The following PIAS2 variants were observed in gnomAD, a reference collection of about 807,000 sequenced individuals.
PIAS2 encodes the protein protein inhibitor of activated STAT 2, also known as E3 SUMO-protein ligase PIAS2.
Under a neutral mutation model 69.7 loss-of-function variants are expected in PIAS2, and 19 were observed. The observed-to-expected ratio is 0.27, with a 90% CI of 0.19 to 0.40. PIAS2 has a LOEUF of 0.40. Among genes scored for constraint, PIAS2 ranks in the 10% least tolerant of loss-of-function variants. The probability of loss-of-function intolerance (pLI) is 1.00; values close to 1 mark genes in which losing one functional copy is unlikely to be tolerated. For synonymous variants in PIAS2, 261 were observed against 263.2 expected, an observed-to-expected ratio of 0.99 and a Z score of 0.08; for missense variants, 624 against 757.0, an observed-to-expected ratio of 0.82 and a Z score of 2.06.
chr18:46,851,772 C>A (rs1433872747), intron 5 of PIAS2, among the ~76,000 whole-genome samples: 1 of 152,212 alleles, frequency 6.6e-6, no homozygotes, highest in Non-Finnish European at 1.5e-5. Flanking sequence ...TACCATTTCC[C>A]ATTCCTATGT....
At chr18:46,815,621 A>C (rs2041432866) in intron 12 of PIAS2, 2 of 1,094,192 alleles carry the variant, frequency 1.8e-6, no homozygotes, top group Non-Finnish European at 2.2e-6. Flanking sequence ...CAAAACAAAT[A>C]TTTCCCCCTT....
At chr18:46,901,242 C>G (rs1270280634) in intron 1 of PIAS2, 2 of 412,976 alleles carry the variant, frequency 4.8e-6, no homozygotes, top group Non-Finnish European at 9.6e-6. Flanking sequence ...ACATGGAGAA[C>G]CCCATCTCTA....
At chr18:46,898,106 T>C (rs1882245819) in intron 1 of PIAS2, among the ~76,000 whole-genome samples, 1 of 152,106 alleles carries the variant, frequency 6.6e-6, no homozygotes, top group Admixed American at 6.6e-5. Context: ...CCTTCCACCT[T>C]GACCTCCCAA....
chr18:46,834,021 CT>C (rs3837881), intron 9 of PIAS2, among the ~76,000 whole-genome samples: 60,070 of 149,202 alleles, frequency 0.4, 12,332 homozygotes, highest in Middle Eastern at 0.52. Flanking sequence ...ACTTAATATA[CT>C]TTTTTTTTTT....
chr18:46,836,898 AATGATAGT>A (rs2044516088), intron 8 of PIAS2, among the ~76,000 whole-genome samples: 1 of 152,114 alleles, frequency 6.6e-6, no homozygotes, highest in Non-Finnish European at 1.5e-5. Flanking sequence ...TTTTCCCAGG[AATGATAGT>A]ATACAATACA....
At chr18:46,821,825 T>C (rs2144813559) in intron 11 of PIAS2, among the ~76,000 whole-genome samples, 1 of 152,328 alleles carries the variant, frequency 6.6e-6, no homozygotes, top group South Asian at 2.1e-4. Context: ...TAAAACTGTA[T>C]ATACACTATA....
At chr18:46,859,854 A>G (rs2048400109) in intron 3 of PIAS2, among the ~76,000 whole-genome samples, 1 of 152,208 alleles carries the variant, frequency 6.6e-6, no homozygotes, top group South Asian at 2.1e-4. Flanking sequence ...ACATTAATGA[A>G]TATTATCATA....
intron 2 of PIAS2, among the ~76,000 whole-genome samples, chr18:46,884,682 A>G (rs543541112): frequency 3.3e-4 from 50 of 152,148 alleles, no homozygotes; most frequent in African/African-American, 1.2e-3. Flanking sequence ...TTGTGAGGCC[A>G]AGGCAGGCAG....
intron 2 of PIAS2, among the ~76,000 whole-genome samples, chr18:46,889,482 C>A (rs1460867614): frequency 6.6e-6 from 1 of 151,968 alleles, no homozygotes; most frequent in African/African-American, 2.4e-5. Flanking sequence ...TGAAAATGCA[C>A]AATATCACCA....
At chr18:46,886,842 C>A (rs776962891) in intron 2 of PIAS2, among the ~76,000 whole-genome samples, 3 of 151,412 alleles carry the variant, frequency 2.0e-5, no homozygotes, top group Non-Finnish European at 2.9e-5. Context: ...TGTCCCCCCC[C>A]TCCAAAAAAA....
intron 13 of PIAS2, 59 bp from the exon 14 acceptor site, chr18:46,812,671 G>C: frequency 9.6e-7 from 1 of 1,038,270 alleles, no homozygotes. Context: ...TAAATAAAGA[G>C]ACTAGAAATT....
intron 3 of PIAS2, among the ~76,000 whole-genome samples, chr18:46,859,427 C>CAA (rs55776913): frequency 0.035 from 3,147 of 89,252 alleles, 129 homozygotes; most frequent in Non-Finnish European, 0.048. Context: ...GACTCCGTCT[C>CAA]AAAAAAAAAA....
rs765972198 is a variant in PIAS2, at chr18:46,844,587, C to T, written c.967+147G>A. 194 of 388,118 alleles carry T rather than the reference C, an allele frequency of 5.0e-4. No homozygotes were observed. The Middle Eastern group carries it at 7.9e-3, about 16-fold the overall frequency. The allele number at this position is 388,118 out of a possible 1,614,324, so 24.0% of individuals were successfully genotyped here. The stretch of plus-strand genomic sequence containing the variant: ...GTAATGTGTCTACAATTTTACTCAC[C>T]AGTAATGTATATAAATTAGTATATA... On this transcript the variant is annotated intron_variant, in intron 7 of 13. Coordinates refer to ENST00000585916, the MANE Select transcript of PIAS2 (RefSeq NM_004671.5).
chr18:46,900,661 G>A (rs958259514), intron 1 of PIAS2, among the ~76,000 whole-genome samples: 2 of 142,628 alleles, frequency 1.4e-5, no homozygotes, highest in Non-Finnish European at 3.1e-5. Flanking sequence ...GGGTGACAGA[G>A]TAAGACCTCA....
chr18:46,878,422 T>C (rs758193693), intron 2 of PIAS2, among the ~76,000 whole-genome samples: 42 of 152,370 alleles, frequency 2.8e-4, no homozygotes, highest in South Asian at 2.1e-4. Context: ...ACATTGACTT[T>C]ATCTTGATAA....
Position 46,855,325 on chromosome 18 carries a change from G to GTGAATAAAAAGCAAC in PIAS2, c.726+5_726+19dup, listed in dbSNP as rs778705190. The GTGAATAAAAAGCAAC allele has an allele frequency of 7.4e-6, 11 of 1,492,976 alleles. No individual in the cohort carries two copies. The Admixed American group carries it at 1.8e-4, about 25-fold the overall frequency. 92.5% of individuals were successfully genotyped at this position (1,492,976 alleles called of 1,614,324 possible). A position where few individuals can be genotyped will look rare whatever the true frequency, so the allele number is the denominator to read the frequency against. On this transcript the variant is annotated intron_variant, in intron 5 of 13. Coordinates refer to ENST00000585916, the MANE Select transcript of PIAS2 (RefSeq NM_004671.5). The stretch of plus-strand genomic sequence containing the variant: ...TATATTAAACTTATATGCAAATCTG[G>GTGAATAAAAAGCAAC]TGAATAAAAAGCAACTTACAGGCAA...
rs1339409279 is a variant in PIAS2 at position 46,820,978 on chromosome 18, G to C, written c.1603C>G (p.Pro535Ala). ...CTTGATATTGGCGTATGGTGGAATG[G>C]TACTGAGTAGTCTGTTAATGAAGGC... Reference protein sequence around the residue: ...IPPSLTDYSVPFHHTPISSMS... With the variant: ...IPPSLTDYSVAFHHTPISSMS... Residue 535 changes from proline to alanine, a missense_variant, in exon 12 of 14, where the codon CCA (proline) becomes GCA (alanine). By Grantham distance (27) the Pro-to-Ala change is conservative (BLOSUM62 -1). This residue lies in a region of PIAS2 where 241 missense variants were observed against 257.3 expected (regional missense o/e 0.94). Transcript: ENST00000585916. 1.2e-6 allele frequency: 2 copies of C among 1,613,352 alleles called. No homozygotes were observed. Among genetic ancestry groups the C allele is most frequent in the Non-Finnish European group, 1.7e-6 (2 of 1,179,562 alleles).
intron 2 of PIAS2, among the ~76,000 whole-genome samples, chr18:46,882,998 A>C (rs1048560518): frequency 1.3e-5 from 2 of 151,398 alleles, no homozygotes; most frequent in African/African-American, 4.9e-5. Flanking sequence ...AGGCTGCGGC[A>C]GGAAAAAAAA....
chr18:46,813,704 C>A (rs2041214379), intron 13 of PIAS2, among the ~76,000 whole-genome samples: 1 of 152,130 alleles, frequency 6.6e-6, no homozygotes, highest in Non-Finnish European at 1.5e-5. Flanking sequence ...GAACAACAGT[C>A]CCAGGTTTAA....
Sources: allele counts gnomAD v4.1 joint callset (sites outside exome capture counted in the v4.1 genomes callset), GRCh38; gene constraint gnomAD v4.1.1; regional missense constraint gnomAD v4.1.1; transcripts MANE v1.5; gene names NCBI Gene and HGNC (gene_info 2026-07-23, HGNC 2026-07-21).